The following NRXN1 variants were observed in gnomAD, a reference collection of about 807,000 sequenced individuals.
NRXN1 encodes neurexin 1.
A neutral mutation model predicts 150.9 loss-of-function variants in NRXN1; 39 were observed. That is an observed-to-expected ratio of 0.26 (90% confidence interval 0.20 to 0.34). The LOEUF is 0.34. Ranked by LOEUF, NRXN1 falls within the 10% of genes least tolerant of loss-of-function variation. NRXN1 has a pLI of 1.00. For synonymous variants in NRXN1, 924 were observed against 757.0 expected, an observed-to-expected ratio of 1.22 and a Z score of -3.62; for missense variants, 1,815 against 1,949.9, an observed-to-expected ratio of 0.93 and a Z score of 1.30.
At chr2:50,661,771 C>T (rs970204624) in intron 5 of NRXN1, among the ~76,000 whole-genome samples, 8 of 152,054 alleles carry the variant, frequency 5.3e-5, no homozygotes, top group Admixed American at 2.0e-4. Context: ...TTCTGATGCA[C>T]CATCTGAAGA....
chr2:49,935,813 C>T (rs776560496), intron 22 of NRXN1, among the ~76,000 whole-genome samples: 21 of 152,140 alleles, frequency 1.4e-4, no homozygotes, highest in East Asian at 3.9e-4. Context: ...TACAAGACAA[C>T]GTGACTTTAT....
At chr2:50,072,213 C>G (rs1053480441) in intron 19 of NRXN1, among the ~76,000 whole-genome samples, 1 of 152,190 alleles carries the variant, frequency 6.6e-6, no homozygotes, top group African/African-American at 2.4e-5. Flanking sequence ...CTCCTTGTAA[C>G]ACCTGCTACG....
At chr2:50,426,761 A>C (rs1397059315) in intron 17 of NRXN1, among the ~76,000 whole-genome samples, 7 of 152,154 alleles carry the variant, frequency 4.6e-5, no homozygotes, top group Admixed American at 6.5e-5. Context: ...ATAGCTACCC[A>C]AACCTTAAGA....
intron 16 of NRXN1, among the ~76,000 whole-genome samples, chr2:50,469,032 C>G (rs1450137259): frequency 1.3e-5 from 2 of 151,524 alleles, no homozygotes; most frequent in East Asian, 3.9e-4. Flanking sequence ...GGTTGAATTC[C>G]AGTGCCCATT....
intron 8 of NRXN1, among the ~76,000 whole-genome samples, chr2:50,597,058 G>T (rs957801775): frequency 6.6e-6 from 1 of 151,902 alleles, no homozygotes. Context: ...TCACCAGGCT[G>T]ATCTCTAACT....
chr2:50,138,677 T>G (rs1410955331), intron 18 of NRXN1, among the ~76,000 whole-genome samples: 2 of 152,204 alleles, frequency 1.3e-5, no homozygotes, highest in Non-Finnish European at 2.9e-5. Flanking sequence ...TTTAATTAAT[T>G]GTTTCTTAAA....
chr2:50,218,037 G>T (rs1195511340), intron 18 of NRXN1, among the ~76,000 whole-genome samples: 3 of 151,990 alleles, frequency 2.0e-5, no homozygotes, highest in African/African-American at 7.2e-5. Flanking sequence ...ATACATACCT[G>T]AACTACCTCC....
At chr2:50,087,677 A>C (rs1698981646) in intron 19 of NRXN1, among the ~76,000 whole-genome samples, 1 of 152,174 alleles carries the variant, frequency 6.6e-6, no homozygotes, top group African/African-American at 2.4e-5. Context: ...TATATAGAAA[A>C]TAATGGATAC....
chr2:50,066,598 C>T (rs1171799671), intron 19 of NRXN1, among the ~76,000 whole-genome samples: 3 of 152,114 alleles, frequency 2.0e-5, no homozygotes, highest in African/African-American at 4.8e-5. Flanking sequence ...ATTCACCCAA[C>T]ATCTATTTTT....
At chr2:50,189,653 G>A (rs1460125546) in intron 18 of NRXN1, among the ~76,000 whole-genome samples, 1 of 152,042 alleles carries the variant, frequency 6.6e-6, no homozygotes. Flanking sequence ...TCTAGAATGA[G>A]TCATCTCAAA....
At chr2:51,010,335 T>C (rs1260443325) in intron 2 of NRXN1, among the ~76,000 whole-genome samples, 2 of 152,072 alleles carry the variant, frequency 1.3e-5, no homozygotes, top group African/African-American at 2.4e-5. Context: ...TAAATAAGTA[T>C]ATAAATTCTA....
At chr2:50,992,625 T>C (rs1270398813) in intron 2 of NRXN1, among the ~76,000 whole-genome samples, 5 of 151,992 alleles carry the variant, frequency 3.3e-5, no homozygotes, top group African/African-American at 4.8e-5. Context: ...GAAGGTATAA[T>C]GAAAATCAGG....
intron 5 of NRXN1, among the ~76,000 whole-genome samples, chr2:50,820,770 G>GC (rs1449442119): frequency 1.3e-5 from 2 of 151,998 alleles, no homozygotes; most frequent in Non-Finnish European, 2.9e-5. Flanking sequence ...TCCAGATGTC[G>GC]CCTCTCTGTC....
chr2:50,891,625 A>C (rs576172188), intron 5 of NRXN1, among the ~76,000 whole-genome samples: 16 of 152,202 alleles, frequency 1.1e-4, no homozygotes, highest in African/African-American at 3.8e-4. Flanking sequence ...TGCTTTAATA[A>C]AATCACATGC....
intron 5 of NRXN1, among the ~76,000 whole-genome samples, chr2:50,832,615 C>A (rs10205754): frequency 6.6e-6 from 1 of 152,056 alleles, no homozygotes; most frequent in African/African-American, 2.4e-5. Flanking sequence ...TGTCGCACCA[C>A]TGCACTCCAA....
intron 18 of NRXN1, among the ~76,000 whole-genome samples, chr2:50,202,954 A>G (rs1272407380): frequency 6.6e-6 from 1 of 152,178 alleles, no homozygotes; most frequent in African/African-American, 2.4e-5. Flanking sequence ...GACACAGACC[A>G]GAAAATTAAA....
At chr2:50,785,150 C>T (rs1460323099) in intron 5 of NRXN1, among the ~76,000 whole-genome samples, 1 of 151,284 alleles carries the variant, frequency 6.6e-6, no homozygotes, top group African/African-American at 2.4e-5. Context: ...AGAAGGTGGA[C>T]ATCAGTAAGC....
intron 5 of NRXN1, among the ~76,000 whole-genome samples, chr2:50,691,787 G>C (rs576330613): frequency 6.6e-6 from 1 of 152,026 alleles, no homozygotes; most frequent in East Asian, 1.9e-4. Flanking sequence ...GGGCTGACTC[G>C]GGGATGCTTC....
At chr2:50,361,980 C>T (rs938115152) in intron 17 of NRXN1, among the ~76,000 whole-genome samples, 2 of 152,184 alleles carry the variant, frequency 1.3e-5, no homozygotes, top group African/African-American at 4.8e-5. Flanking sequence ...ATCACATAAA[C>T]AGAACCAAAG....
Sources: allele counts gnomAD v4.1 joint callset (sites outside exome capture counted in the v4.1 genomes callset), GRCh38; gene constraint gnomAD v4.1.1; transcripts MANE v1.5; gene names NCBI Gene and HGNC (gene_info 2026-07-23, HGNC 2026-07-21).